MTM1: variants seen among roughly 807,000 people sequenced by gnomAD.
The protein encoded by MTM1 is myotubularin.
Under a neutral mutation model 52.1 loss-of-function variants are expected in MTM1, and 9 were observed. That is an observed-to-expected ratio of 0.17 (90% CI 0.10 to 0.30). MTM1 has a LOEUF of 0.30. Ranked by LOEUF, MTM1 falls within the 10% of genes least tolerant of loss-of-function variation. MTM1 has a pLI of 1.00. For missense variants in MTM1, 277 were observed against 470.7 expected (o/e 0.59, Z 3.81); for synonymous variants, 136 against 163.8 (o/e 0.83, Z 1.29).
chrX:150,610,589 A>G (rs1312164318), intron 4 of MTM1, among the ~76,000 whole-genome samples: 5 of 112,301 alleles, frequency 4.5e-5, no homozygotes, highest in African/African-American at 1.6e-4. Context: ...GTATCCAGAA[A>G]GTTCAGCTAA....
intron 1 of MTM1, among the ~76,000 whole-genome samples, chrX:150,582,704 A>T (rs974463212): frequency 9.0e-6 from 1 of 111,107 alleles, no homozygotes; most frequent in African/African-American, 3.3e-5. Context: ...AATGCCAAGG[A>T]TTGCAGCCAC....
chrX:150,640,608 T>A (rs2039831875), intron 7 of MTM1, among the ~76,000 whole-genome samples: 1 of 111,883 alleles, frequency 8.9e-6, no homozygotes. Context: ...ATGGGAGGTG[T>A]CTTCTGTGTC....
rs1302781395 is a variant in MTM1 at position 150,651,888 on chromosome X, T to C, written c.1053+1987T>C. 2.7e-5 allele frequency among the ~76,000 whole-genome samples: 3 copies of C among 110,473 alleles called. No homozygotes were observed. In the East Asian group the frequency reaches 8.5e-4, roughly 31 times the overall value. On this transcript the variant is annotated intron_variant, in intron 10 of 14. Coordinates refer to ENST00000370396, the MANE Select transcript of MTM1 (RefSeq NM_000252.3). ...GAGAAATGGACATCAAAGGAGGATA[T>C]TGGAAGGTAAAGAAAGGGTCTTAAG...
At chrX:150,569,101 G>C (rs1035456554) in intron 1 of MTM1, among the ~76,000 whole-genome samples, 12 of 113,827 alleles carry the variant, frequency 1.1e-4, no homozygotes, top group African/African-American at 3.8e-4. Flanking sequence ...GCGGGCGTCC[G>C]TCGCATCCCC....
At chrX:150,634,884 A>G (rs2039730307) in intron 6 of MTM1, among the ~76,000 whole-genome samples, 1 of 112,110 alleles carries the variant, frequency 8.9e-6, no homozygotes, top group Admixed American at 9.5e-5. Flanking sequence ...TCTAAAACAA[A>G]CTAAAGTAGC....
At position 150,649,895 on chromosome X, in the gene MTM1, T is replaced by C; in HGVS notation, c.1047T>C (p.His349=). The C allele has an allele frequency of 1.7e-6, 2 of 1,198,494 alleles. No homozygotes were observed. The highest frequency in any genetic ancestry group is 3.0e-5 in the East Asian group (1 of 33,670). ...TGGAGTCTACTCATTGGTTAGAACATATCAAGGCAAGTATATTTTGTGAAA... is the reference window on the plus strand; with the variant it reads ...TGGAGTCTACTCATTGGTTAGAACACATCAAGGCAAGTATATTTTGTGAAA... The part of the protein sequence containing the change: ...SSLESTHWLE[H]IKLVLTGAIQ... The change falls in exon 10 of 15, where the codon CAT becomes CAC. Residue 349 remains histidine (H), a synonymous_variant. Transcript: ENST00000370396.
intron 9 of MTM1, among the ~76,000 whole-genome samples, chrX:150,648,399 T>C (rs1471102401): frequency 8.9e-6 from 1 of 112,532 alleles, no homozygotes; most frequent in Non-Finnish European, 1.9e-5. Context: ...CTTATATTCC[T>C]TCCATTGTTG....
chrX:150,649,234 A>G (rs924501037), intron 9 of MTM1, among the ~76,000 whole-genome samples: 1 of 112,614 alleles, frequency 8.9e-6, no homozygotes, highest in Non-Finnish European at 1.9e-5. Flanking sequence ...AAGCTGAGCT[A>G]TCTCAGCCTG....
chrX:150,611,321 C>T (rs1467302969), intron 4 of MTM1, among the ~76,000 whole-genome samples: 1 of 112,309 alleles, frequency 8.9e-6, no homozygotes, highest in African/African-American at 3.2e-5. Flanking sequence ...GTACTTTAAA[C>T]TCATTTTCTG....
intron 4 of MTM1, 104 bp downstream of exon 4, chrX:150,598,790 G>A: frequency 3.7e-6 from 2 of 538,163 alleles, no homozygotes; most frequent in South Asian, 6.2e-5. Context: ...AATTAACATG[G>A]GGTATATTTG....
intron 6 of MTM1, 101 bp from the exon 7 acceptor site, chrX:150,638,842 G>T (rs782242888): frequency 1.9e-5 from 12 of 623,689 alleles, no homozygotes; most frequent in Non-Finnish European, 2.6e-5. Flanking sequence ...TTTCATGGTC[G>T]GCAAATCTGG....
At chrX:150,666,501 A>C (rs1427864790) in intron 14 of MTM1, among the ~76,000 whole-genome samples, 1 of 112,327 alleles carries the variant, frequency 8.9e-6, no homozygotes, top group African/African-American at 3.2e-5. Context: ...TCTAAATTCT[A>C]ATACTCATAT....
chrX:150,607,094 T>G (rs2039181779), intron 4 of MTM1, among the ~76,000 whole-genome samples: 1 of 107,489 alleles, frequency 9.3e-6, no homozygotes, highest in African/African-American at 3.4e-5. Context: ...TTCAAGAGAT[T>G]CTCCCGCCTC....
intron 8 of MTM1, among the ~76,000 whole-genome samples, chrX:150,644,839 G>A (rs1362223268): frequency 9.0e-6 from 1 of 110,903 alleles, no homozygotes; most frequent in Non-Finnish European, 1.9e-5. Context: ...TTAGAACCAC[G>A]GCAGAGATGG....
intron 11 of MTM1, among the ~76,000 whole-genome samples, chrX:150,659,101 C>A (rs1165220567): frequency 1.8e-5 from 2 of 112,038 alleles, no homozygotes; most frequent in Non-Finnish European, 3.8e-5. Context: ...GATCCGCCCA[C>A]CTCAGCCTCC....
chrX:150,565,993 T>TACACACACACAC (rs782745793), upstream of MTM1, among the ~76,000 whole-genome samples: 233 of 88,435 alleles, frequency 2.6e-3, 3 homozygotes, highest in Middle Eastern at 5.8e-3. Flanking sequence ...TGAAGATTCC[T>TACACACACACAC]ACACACACAC....
intron 6 of MTM1, among the ~76,000 whole-genome samples, chrX:150,635,348 A>G (rs782499383): frequency 1.8e-5 from 2 of 112,318 alleles, no homozygotes; most frequent in Non-Finnish European, 3.8e-5. Context: ...AGCTCTCTCC[A>G]TGTGATTTAG....
upstream of MTM1, among the ~76,000 whole-genome samples, chrX:150,565,248 AC>A (rs1391090493): frequency 1.8e-5 from 2 of 110,973 alleles, no homozygotes; most frequent in Non-Finnish European, 3.8e-5. Flanking sequence ...GTGGCATTCA[AC>A]CCCTTTTTTT....
In MTM1 at chrX:150,658,022, G is replaced by A. The variant is rs781950925; in HGVS notation, c.1255G>A (p.Ala419Thr). The A allele has an allele frequency of 1.7e-6, 2 of 1,193,232 alleles. No individual in the cohort carries two copies. The highest frequency in any genetic ancestry group is 4.3e-5 in the Admixed American group (2 of 46,015). Residue 419 changes from alanine (A) to threonine (T), a missense_variant, in exon 11 of 15, where the codon GCA becomes ACA. Ala to Thr is a moderately conservative substitution (Grantham distance 58, BLOSUM62 0). Transcript: ENST00000370396. ...KEWISFGHKF[A>T]SRIGHGDKNH... ...ATGGATAAGTTTTGGACATAAATTTGCATCTGTGAGTAAACAAAGCTAATT... is the reference window on the plus strand; with the variant it reads ...ATGGATAAGTTTTGGACATAAATTTACATCTGTGAGTAAACAAAGCTAATT...
Sources: gnomAD v4.1 joint callset for allele counts (sites outside exome capture counted in the v4.1 genomes callset) on GRCh38, gnomAD v4.1.1 for gene constraint, MANE v1.5 for transcripts, NCBI Gene and HGNC (gene_info 2026-07-23, HGNC 2026-07-21) for gene names.